Variants in COMMD7 observed in about 807,000 individuals in gnomAD.
COMMD7 encodes COMM domain containing 7.
COMMD7 carries 28 observed loss-of-function variants against 34.8 expected under a neutral mutation model. The observed-to-expected ratio is 0.80, with a 90% CI of 0.60 to 1.10. The LOEUF is 1.10. Among genes scored for constraint, COMMD7 ranks in the 50% least tolerant of loss-of-function variants. The pLI is 0.00. For synonymous variants in COMMD7, 80 were observed against 86.4 expected, an observed-to-expected ratio of 0.93 and a Z score of 0.41; for missense variants, 211 against 241.6, an observed-to-expected ratio of 0.87 and a Z score of 0.84.
chr20:32,735,309 T>A (rs995063545), intron 1 of COMMD7, among the ~76,000 whole-genome samples: 8 of 151,958 alleles, frequency 5.3e-5, no homozygotes, highest in African/African-American at 1.9e-4. Context: ...TAAAAATAAC[T>A]AAGAAACTAT....
At chr20:32,718,321 G>A (rs1984935463) in intron 3 of COMMD7, among the ~76,000 whole-genome samples, 1 of 151,576 alleles carries the variant, frequency 6.6e-6, no homozygotes, top group Non-Finnish European at 1.5e-5. Flanking sequence ...GGAGAATGGC[G>A]TGAACCCGGG....
chr20:32,715,856 A>C (rs1409243569), intron 3 of COMMD7, among the ~76,000 whole-genome samples: 1 of 152,226 alleles, frequency 6.6e-6, no homozygotes, highest in Non-Finnish European at 1.5e-5. Flanking sequence ...TTAATTAAAA[A>C]CAGGCTTAAA....
At chr20:32,730,558 A>AAC (rs1568791233) in intron 1 of COMMD7, among the ~76,000 whole-genome samples, 109 of 149,700 alleles carry the variant, frequency 7.3e-4, no homozygotes, top group Non-Finnish European at 1.1e-3. Flanking sequence ...CCGTTTCAAA[A>AAC]AACAACAACA....
chr20:32,717,321 ATTTTT>A (rs59777332), intron 3 of COMMD7, among the ~76,000 whole-genome samples: 72,529 of 141,168 alleles, frequency 0.51, 19,360 homozygotes, highest in Middle Eastern at 0.66. Flanking sequence ...TGCCCAGTTA[ATTTTT>A]TTTTTTTTTT....
chr20:32,718,329 G>A (rs1298893960), intron 3 of COMMD7, among the ~76,000 whole-genome samples: 24 of 151,768 alleles, frequency 1.6e-4, no homozygotes, highest in Non-Finnish European at 2.6e-4. Flanking sequence ...GCGTGAACCC[G>A]GGAGGCAGAG....
At chr20:32,712,336 G>A (rs150283932) in intron 3 of COMMD7, among the ~76,000 whole-genome samples, 279 of 143,860 alleles carry the variant, frequency 1.9e-3, no homozygotes, top group African/African-American at 6.1e-3. Flanking sequence ...GTGAAACTCC[G>A]TATCTACTAA....
chr20:32,735,020 C>G (rs1339423287), intron 1 of COMMD7, among the ~76,000 whole-genome samples: 2 of 151,820 alleles, frequency 1.3e-5, no homozygotes. Flanking sequence ...GGTGGATCAC[C>G]TTTGGTCAGG....
At chr20:32,726,923 C>T (rs1985541402) in intron 3 of COMMD7, among the ~76,000 whole-genome samples, 1 of 151,970 alleles carries the variant, frequency 6.6e-6, no homozygotes, top group Admixed American at 6.6e-5. Flanking sequence ...AAATTAAACC[C>T]CCAACTTCTA....
chr20:32,722,014 T>A (rs1347478043), intron 3 of COMMD7, among the ~76,000 whole-genome samples: 2 of 151,314 alleles, frequency 1.3e-5, no homozygotes, highest in African/African-American at 4.9e-5. Context: ...TGAGCCGAGA[T>A]CACGTCACTG....
chr20:32,738,729 G>T (rs1259488976), intron 1 of COMMD7, among the ~76,000 whole-genome samples: 4 of 151,782 alleles, frequency 2.6e-5, no homozygotes, highest in Non-Finnish European at 5.9e-5. Flanking sequence ...CTTTCTGCAT[G>T]ATTTTATTTA....
At chr20:32,743,237 T>TA in intron 1 of COMMD7, 71 bp downstream of exon 1, 3 of 526,956 alleles carry the variant, frequency 5.7e-6, no homozygotes, top group Non-Finnish European at 9.4e-6. Context: ...CCCCCGGACG[T>TA]CCCCCCCACC....
intron 1 of COMMD7, among the ~76,000 whole-genome samples, chr20:32,732,221 A>C (rs1985880100): frequency 6.6e-6 from 1 of 152,066 alleles, no homozygotes; most frequent in Non-Finnish European, 1.5e-5. Flanking sequence ...AGTAGCTGAG[A>C]TTACAGGCAC....
intron 3 of COMMD7, among the ~76,000 whole-genome samples, chr20:32,721,896 CAA>C (rs34241116): frequency 1.4e-3 from 198 of 138,868 alleles, no homozygotes; most frequent in Non-Finnish European, 1.4e-3. Flanking sequence ...GACGTTGTCT[CAA>C]AAAAAAAAAA....
At chr20:32,703,974 CAGAGA>C in intron 8 of COMMD7, 44 bp downstream of exon 8, 1 of 1,613,320 alleles carries the variant, frequency 6.2e-7, no homozygotes, top group African/African-American at 1.3e-5. Context: ...CCCCTGATTG[CAGAGA>C]ACACAAAAAA....
At chr20:32,707,878 AT>A (rs1002275462) in intron 3 of COMMD7, among the ~76,000 whole-genome samples, 1 of 152,146 alleles carries the variant, frequency 6.6e-6, no homozygotes, top group Non-Finnish European at 1.5e-5. Context: ...ATTAAATAAA[AT>A]TTAAAATTCC....
At chr20:32,729,125 G>T (rs1046074111) in intron 1 of COMMD7, among the ~76,000 whole-genome samples, 4 of 151,524 alleles carry the variant, frequency 2.6e-5, no homozygotes, top group African/African-American at 9.7e-5. Flanking sequence ...GAGGTCATAA[G>T]AGTGAGATGC....
chr20:32,728,453 CACA>C (rs1840226620), intron 1 of COMMD7, among the ~76,000 whole-genome samples: 1 of 45,276 alleles, frequency 2.2e-5, no homozygotes, highest in African/African-American at 9.7e-5. Flanking sequence ...GACATACACA[CACA>C]CACACACACA....
rs533829412 is a variant in COMMD7, at chr20:32,737,144, TG to T, written c.84+6163del. ...TTGCAGTGAGCCGAGATCGCGCCAC[TG>T]CATTCCAGCCTGGGTGACAGAGCGA... On this transcript the variant is annotated intron_variant, in intron 1 of 8. Coordinates refer to ENST00000278980, the MANE Select transcript of COMMD7 (RefSeq NM_053041.3). 1.7e-3 allele frequency among the ~76,000 whole-genome samples: 254 copies of T among 151,922 alleles called. 1 individual carries two copies. The highest frequency in any genetic ancestry group is 5.9e-3 in the African/African-American group (243 of 41,432).
At chr20:32,733,547 C>T (rs1376434878) in intron 1 of COMMD7, among the ~76,000 whole-genome samples, 20 of 151,984 alleles carry the variant, frequency 1.3e-4, no homozygotes, top group Admixed American at 1.2e-3. Context: ...GGTGAAACCC[C>T]ATCTCGACTA....
Sources: allele counts gnomAD v4.1 joint callset (sites outside exome capture counted in the v4.1 genomes callset), GRCh38; gene constraint gnomAD v4.1.1; transcripts MANE v1.5; gene names NCBI Gene and HGNC (gene_info 2026-07-23, HGNC 2026-07-21).